TNRC6B: variants seen among roughly 807,000 people sequenced by gnomAD.
TNRC6B encodes the protein trinucleotide repeat containing adaptor 6B.
A neutral mutation model predicts 203.6 loss-of-function variants in TNRC6B; 52 were observed. That is an observed-to-expected ratio of 0.26 (90% CI 0.20 to 0.32). The LOEUF is 0.32. Ranked by LOEUF, TNRC6B falls within the 10% of genes least tolerant of loss-of-function variation. The pLI is 1.00. For synonymous variants in TNRC6B, 838 were observed against 845.7 expected, an observed-to-expected ratio of 0.99 and a Z score of 0.16; for missense variants, 1,923 against 2,286.2, an observed-to-expected ratio of 0.84 and a Z score of 3.24.
intron 1 of TNRC6B, among the ~76,000 whole-genome samples, chr22:40,227,448 C>T (rs925858342): frequency 7.4e-6 from 1 of 135,070 alleles, no homozygotes; most frequent in Admixed American, 8.5e-5. Context: ...CTCCCAGGTT[C>T]AAGCAATTCT....
At chr22:40,238,281 GC>G (rs1033559547) in intron 1 of TNRC6B, among the ~76,000 whole-genome samples, 5 of 152,092 alleles carry the variant, frequency 3.3e-5, no homozygotes, top group South Asian at 2.1e-4. Flanking sequence ...CAGCAGGCCA[GC>G]CCCCCGATAG....
intron 3 of TNRC6B, among the ~76,000 whole-genome samples, chr22:40,148,261 C>T (rs2068712051): frequency 6.6e-6 from 1 of 150,632 alleles, no homozygotes; most frequent in South Asian, 2.1e-4. Flanking sequence ...AAAATGGCTA[C>T]AACCACGTTG....
rs115937673 is a variant in TNRC6B, at chr22:40,280,947, T to C, written c.3412-172T>C. Among the ~76,000 whole-genome samples the C allele has an allele frequency of 2.0e-3, 304 of 152,354 alleles. 1 individual carries two copies. Among genetic ancestry groups the C allele is most frequent in the African/African-American group, 7.1e-3 (297 of 41,580 alleles). On this transcript the variant is annotated intron_variant, in intron 10 of 22. Transcript: ENST00000454349. ...CTATATCAAAGAAGATGACAGATGGTGTCTGTTGGGCCAAGTGTAAAGATT... is the reference window on the plus strand; with the variant it reads ...CTATATCAAAGAAGATGACAGATGGCGTCTGTTGGGCCAAGTGTAAAGATT...
In TNRC6B at chr22:40,050,440, C is replaced by T. The variant is rs558552886; in HGVS notation, c.-121+5442C>T. Among the ~76,000 whole-genome samples, 16 of 152,256 alleles carry T rather than the reference C, an allele frequency of 1.1e-4. 1 individual carries two copies. The highest frequency in any genetic ancestry group is 3.6e-4 in the African/African-American group (15 of 41,548). On this transcript the variant is annotated intron_variant, in intron 1 of 23. Coordinates refer to the TNRC6B transcript ENST00000301923. ...TTCCTCAAATTGCCCAAGCCTTTTC[C>T]GGCCTTAAGGCTTTTGTTTTTGTAT...
intron 1 of TNRC6B, among the ~76,000 whole-genome samples, chr22:40,184,026 T>C (rs1265996240): frequency 6.6e-6 from 1 of 152,080 alleles, no homozygotes; most frequent in Non-Finnish European, 1.5e-5. Flanking sequence ...AAAATGAAAA[T>C]TTAGGTCCAT....
chr22:40,322,983 G>A lies in TNRC6B; in HGVS notation c.5244G>A (p.Ser1748=), dbSNP rs370179151. The A allele has an allele frequency of 2.4e-5, 38 of 1,610,548 alleles. No individual in the cohort carries two copies. The highest frequency in any genetic ancestry group is 3.0e-5 in the Non-Finnish European group (35 of 1,178,378). ...GTGCGCCAGCTGCGGGGTGGCAGTC[G>A]CTGGAGACCGGCCAGAACCAGTCAG... is the stretch of plus-strand genomic sequence containing the variant. ...TPSAPAAGWQ[S]LETGQNQSDP... The change falls in exon 23 of 23, where the codon TCG becomes TCA. Residue 1748 remains serine (S), a synonymous_variant. Transcript: ENST00000454349.
At chr22:40,091,055 C>A (rs1340995010) in intron 1 of TNRC6B, among the ~76,000 whole-genome samples, 1 of 152,200 alleles carries the variant, frequency 6.6e-6, no homozygotes, top group Non-Finnish European at 1.5e-5. Context: ...GATCTTGGCT[C>A]ACTGCAAGCT....
intron 3 of TNRC6B, chr22:40,155,993 CTTCTG>C: frequency 2.6e-6 from 2 of 771,036 alleles, no homozygotes; most frequent in Non-Finnish European, 4.2e-6. Context: ...TTGGCCCAGG[CTTCTG>C]TTCTGTGCAC....
At chr22:40,163,348 A>G (rs966396789) in intron 4 of TNRC6B, among the ~76,000 whole-genome samples, 1 of 148,780 alleles carries the variant, frequency 6.7e-6, no homozygotes, top group Admixed American at 6.8e-5. Flanking sequence ...CAGTGAGCCA[A>G]GATCACACCA....
chr22:40,172,626 AGTTTT>A (rs1356383206), intron 4 of TNRC6B, among the ~76,000 whole-genome samples: 1 of 152,208 alleles, frequency 6.6e-6, no homozygotes, highest in Admixed American at 6.5e-5. Flanking sequence ...ACATTAGTTT[AGTTTT>A]ATTTTTTGTA....
At chr22:40,313,411 G>T (rs2071213256) in intron 19 of TNRC6B, among the ~76,000 whole-genome samples, 1 of 151,726 alleles carries the variant, frequency 6.6e-6, no homozygotes, top group South Asian at 2.1e-4. Flanking sequence ...ATAGACAAAG[G>T]CTAAGGGCAG....
intron 12 of TNRC6B, among the ~76,000 whole-genome samples, chr22:40,295,032 G>A (rs1319044471): frequency 6.6e-6 from 1 of 152,220 alleles, no homozygotes; most frequent in Non-Finnish European, 1.5e-5. Context: ...GAAGCAGCTG[G>A]GGGGAACTAT....
At position 40,315,939 on chromosome 22, in the gene TNRC6B, T is replaced by C. The variant is rs1468013815; in HGVS notation, c.4904-3T>C. 6.2e-7 allele frequency: 1 copy of C among 1,613,382 alleles called. No homozygotes were observed. The highest frequency in any genetic ancestry group is 1.1e-5 in the South Asian group (1 of 90,998). ...TCCTAACCATTTTTCTGGTTGCTCA[T>C]AGCCTCTACCTGGAGTGATGGTGGC... On this transcript the variant is annotated splice_polypyrimidine_tract_variant and splice_region_variant and intron_variant, in intron 20 of 22. Transcript: ENST00000454349.
At chr22:40,080,754 C>G (rs1389321440) in intron 1 of TNRC6B, among the ~76,000 whole-genome samples, 1 of 152,062 alleles carries the variant, frequency 6.6e-6, no homozygotes, top group Non-Finnish European at 1.5e-5. Context: ...TTTGTGAAGT[C>G]TTCTCAAATT....
intron 4 of TNRC6B, 141 bp from the exon 5 acceptor site, chr22:40,264,545 TTG>T: frequency 3.5e-6 from 3 of 857,596 alleles, no homozygotes; most frequent in Non-Finnish European, 5.1e-6. Context: ...ACTAAGACAG[TTG>T]TGATACAAGC....
chr22:40,148,957 A>G (rs2068720984), intron 3 of TNRC6B, among the ~76,000 whole-genome samples: 1 of 152,224 alleles, frequency 6.6e-6, no homozygotes, highest in Non-Finnish European at 1.5e-5. Context: ...TCTAGCCTCT[A>G]GAACAGTGAG....
At chr22:40,234,267 G>A (rs1172110948) in intron 1 of TNRC6B, among the ~76,000 whole-genome samples, 2 of 152,166 alleles carry the variant, frequency 1.3e-5, no homozygotes, top group East Asian at 1.9e-4. Flanking sequence ...GCGTGATAGA[G>A]CAAGACCCTG....
chr22:40,230,088 C>T (rs534537959), intron 1 of TNRC6B, among the ~76,000 whole-genome samples: 1 of 152,254 alleles, frequency 6.6e-6, no homozygotes, highest in Non-Finnish European at 1.5e-5. Flanking sequence ...GAGAGAGTTC[C>T]ATTTGTTAAT....
At chr22:40,298,022 G>T (rs1438968794) in intron 12 of TNRC6B, among the ~76,000 whole-genome samples, 1 of 151,358 alleles carries the variant, frequency 6.6e-6, no homozygotes, top group Admixed American at 6.6e-5. Flanking sequence ...CTATTCGGGA[G>T]GCTAAGGCAG....
Sources: gnomAD v4.1 joint callset for allele counts (sites outside exome capture counted in the v4.1 genomes callset) on GRCh38, gnomAD v4.1.1 for gene constraint, MANE v1.5 for transcripts, NCBI Gene and HGNC (gene_info 2026-07-23, HGNC 2026-07-21) for gene names.